MTHFD2L: variants seen among roughly 807,000 people sequenced by gnomAD.
MTHFD2L encodes the protein bifunctional methylenetetrahydrofolate dehydrogenase/cyclohydrolase 2, mitochondrial.
MTHFD2L carries 29 observed loss-of-function variants against 34.9 expected under a neutral mutation model. The ratio of observed to expected loss-of-function variants is 0.83; its 90% CI spans 0.62 to 1.13. The LOEUF (loss-of-function observed/expected upper bound fraction) is 1.13, where lower values mean the gene tolerates loss of function less well. Among genes scored for constraint, MTHFD2L ranks in the 50% most tolerant of loss-of-function variants. The pLI, the probability that MTHFD2L is intolerant of heterozygous loss-of-function variation, is 0.00. For synonymous variants in MTHFD2L, 167 were observed against 155.7 expected (o/e 1.07, Z -0.54); for missense variants, 481 against 446.5 (o/e 1.08, Z -0.70).
At chr4:74,187,419 GAC>G (rs1332897824) in intron 3 of MTHFD2L, among the ~76,000 whole-genome samples, 12 of 152,106 alleles carry the variant, frequency 7.9e-5, no homozygotes, top group Admixed American at 7.9e-4. Context: ...TAAAAATAAT[GAC>G]AGAGAGAATA....
intron 6 of MTHFD2L, among the ~76,000 whole-genome samples, chr4:74,249,780 C>A (rs1301292307): frequency 6.6e-6 from 1 of 152,098 alleles, no homozygotes; most frequent in Non-Finnish European, 1.5e-5. Flanking sequence ...GTTGAAAATT[C>A]TTTTCTTTAA....
intron 1 of MTHFD2L, among the ~76,000 whole-genome samples, chr4:74,163,267 A>T (rs895469496): frequency 6.6e-6 from 1 of 152,252 alleles, no homozygotes; most frequent in Non-Finnish European, 1.5e-5. Flanking sequence ...TACTTTTAAA[A>T]AAAAGCATTT....
chr4:74,255,073 T>C (rs1323076441), intron 6 of MTHFD2L, among the ~76,000 whole-genome samples: 1 of 135,578 alleles, frequency 7.4e-6, no homozygotes, highest in East Asian at 2.2e-4. Flanking sequence ...AGGCGGAGGT[T>C]ACAGTGAGCT....
At chr4:74,297,495 C>T (rs1207909780) in intron 7 of MTHFD2L, among the ~76,000 whole-genome samples, 1 of 152,064 alleles carries the variant, frequency 6.6e-6, no homozygotes, top group Non-Finnish European at 1.5e-5. Context: ...CTCACACCTA[C>T]ACCCACAGTA....
intron 6 of MTHFD2L, among the ~76,000 whole-genome samples, chr4:74,240,100 T>C (rs976004857): frequency 6.6e-6 from 1 of 152,138 alleles, no homozygotes; most frequent in Admixed American, 6.6e-5. Flanking sequence ...AAAAAAACAT[T>C]TGAAGGGGTT....
intron 6 of MTHFD2L, among the ~76,000 whole-genome samples, chr4:74,245,974 G>A (rs371781407): frequency 1.3e-4 from 20 of 148,504 alleles, no homozygotes; most frequent in South Asian, 2.2e-4. Flanking sequence ...ATGATTTATA[G>A]TCCTTTGGGT....
At chr4:74,178,899 T>C (rs1729565718) in intron 3 of MTHFD2L, among the ~76,000 whole-genome samples, 1 of 152,020 alleles carries the variant, frequency 6.6e-6, no homozygotes, top group South Asian at 2.1e-4. Flanking sequence ...AGTTGGGATT[T>C]GAATCCGGGC....
At chr4:74,268,188 A>T (rs1476368809) in intron 6 of MTHFD2L, 1 of 983,260 alleles carries the variant, frequency 1.0e-6, no homozygotes, top group Non-Finnish European at 1.2e-6. Context: ...AGGTTTTTGT[A>T]TTACTAATGT....
intron 5 of MTHFD2L, among the ~76,000 whole-genome samples, chr4:74,213,768 G>A (rs1249684409): frequency 1.3e-5 from 2 of 152,126 alleles, no homozygotes; most frequent in Admixed American, 6.6e-5. Context: ...GCTAGGTTGG[G>A]GAAGTTCTCC....
intron 7 of MTHFD2L, among the ~76,000 whole-genome samples, chr4:74,290,363 T>G (rs1748731621): frequency 6.6e-6 from 1 of 152,222 alleles, no homozygotes; most frequent in Admixed American, 6.5e-5. Flanking sequence ...TTTGGATTCA[T>G]CTTTCACTCC....
chr4:74,158,385 G>A lies in MTHFD2L; in HGVS notation c.143+104G>A, dbSNP rs1724639535. On this transcript the variant is annotated intron_variant, in intron 1 of 7. Transcript: ENST00000325278. ...TGGGGCCCAAGGCTCGTGGGCGGCC[G>A]CGCGGCGGCGGGCTGGGTCGAGGAC... 4 of 891,194 alleles carry A rather than the reference G, an allele frequency of 4.5e-6. No individual in the cohort carries two copies. In the East Asian group the frequency reaches 3.2e-4, roughly 70 times the overall value. 55.2% of individuals were successfully genotyped at this position (891,194 alleles called of 1,614,324 possible).
intron 6 of MTHFD2L, among the ~76,000 whole-genome samples, chr4:74,245,762 A>G (rs1742344605): frequency 2.6e-5 from 4 of 152,084 alleles, no homozygotes; most frequent in Non-Finnish European, 5.9e-5. Flanking sequence ...TTTACTGAGA[A>G]TGATGATTTC....
intron 6 of MTHFD2L, among the ~76,000 whole-genome samples, chr4:74,246,888 A>G (rs1742543025): frequency 6.6e-6 from 1 of 152,084 alleles, no homozygotes; most frequent in South Asian, 2.1e-4. Flanking sequence ...GTAGCCTTGT[A>G]GTATAGTTTG....
At chr4:74,253,717 T>A (rs1368955173) in intron 6 of MTHFD2L, among the ~76,000 whole-genome samples, 1 of 150,716 alleles carries the variant, frequency 6.6e-6, no homozygotes, top group African/African-American at 2.4e-5. Context: ...CTGACACAGG[T>A]TTCATGCCCA....
At chr4:74,193,732 T>C (rs1017068428) in intron 3 of MTHFD2L, among the ~76,000 whole-genome samples, 8 of 152,218 alleles carry the variant, frequency 5.3e-5, no homozygotes, top group African/African-American at 1.9e-4. Flanking sequence ...AGTTACTACT[T>C]GTATCAGGAA....
chr4:74,229,986 A>G (rs746983827), intron 6 of MTHFD2L, among the ~76,000 whole-genome samples: 3 of 152,220 alleles, frequency 2.0e-5, no homozygotes, highest in Non-Finnish European at 4.4e-5. Context: ...GCTTAGAACA[A>G]TATCTAACAC....
At chr4:74,276,783 C>T (rs536168924) in intron 6 of MTHFD2L, among the ~76,000 whole-genome samples, 4 of 152,086 alleles carry the variant, frequency 2.6e-5, no homozygotes, top group East Asian at 1.9e-4. Flanking sequence ...GTGTATTTAG[C>T]GTAACTAAAA....
chr4:74,228,742 A>G (rs1216254903), intron 6 of MTHFD2L, among the ~76,000 whole-genome samples: 1 of 152,216 alleles, frequency 6.6e-6, no homozygotes, highest in Non-Finnish European at 1.5e-5. Context: ...GAAAAGAAAA[A>G]GAAAAGGAAA....
chr4:74,272,753 T>C (rs1395234978), intron 6 of MTHFD2L, among the ~76,000 whole-genome samples: 1 of 152,204 alleles, frequency 6.6e-6, no homozygotes, highest in African/African-American at 2.4e-5. Context: ...CTGCTTTTTC[T>C]TGTGTTTTAA....
Sources: allele counts gnomAD v4.1 joint callset (sites outside exome capture counted in the v4.1 genomes callset), GRCh38; gene constraint gnomAD v4.1.1; transcripts MANE v1.5; gene names NCBI Gene and HGNC (gene_info 2026-07-23, HGNC 2026-07-21).